PIGK: variants seen among roughly 807,000 people sequenced by gnomAD.
The protein encoded by PIGK is phosphatidylinositol glycan anchor biosynthesis class K.
Under a neutral mutation model 50.6 loss-of-function variants are expected in PIGK, and 42 were observed. The ratio of observed to expected loss-of-function variants is 0.83; its 90% CI spans 0.65 to 1.07. The LOEUF (loss-of-function observed/expected upper bound fraction) is 1.07, where lower values mean the gene tolerates loss of function less well. Among genes scored for constraint, PIGK ranks in the 50% least tolerant of loss-of-function variants. PIGK has a pLI of 0.00. For missense variants in PIGK, 448 were observed against 488.7 expected (o/e 0.92, Z 0.78); for synonymous variants, 151 against 156.0 (o/e 0.97, Z 0.24).
At chr1:77,195,407 T>C in intron 3 of PIGK, 1 of 1,096,642 alleles carries the variant, frequency 9.1e-7, no homozygotes, top group East Asian at 2.5e-5. Context: ...GAGTGAGAGC[T>C]TAGGGTGCTC....
intron 3 of PIGK, among the ~76,000 whole-genome samples, chr1:77,172,899 G>A (rs1655400130): frequency 6.6e-6 from 1 of 152,138 alleles, no homozygotes; most frequent in Non-Finnish European, 1.5e-5. Flanking sequence ...ACTCCAGCCT[G>A]GGCGACAGAG....
intron 3 of PIGK, among the ~76,000 whole-genome samples, chr1:77,190,595 GAAC>G (rs760718214): frequency 1.6e-4 from 24 of 152,082 alleles, no homozygotes; most frequent in Non-Finnish European, 3.1e-4. Context: ...AATTCTCAAA[GAAC>G]AGCACTAGAG....
intron 1 of PIGK, among the ~76,000 whole-genome samples, chr1:77,211,439 T>C (rs1656418816): frequency 6.6e-6 from 1 of 152,042 alleles, no homozygotes; most frequent in Admixed American, 6.6e-5. Flanking sequence ...GGTTGTACTC[T>C]GATAATTCCT....
At chr1:77,219,260 A>T in intron 1 of PIGK, 50 bp downstream of exon 1, 2 of 1,443,578 alleles carry the variant, frequency 1.4e-6, no homozygotes, top group Non-Finnish European at 1.9e-6. Context: ...CATCTGCTGG[A>T]GGGCTCACAG....
At chr1:77,206,604 T>C (rs1387241057) in intron 3 of PIGK, 36 bp downstream of exon 3, 2 of 1,089,866 alleles carry the variant, frequency 1.8e-6, no homozygotes, top group Non-Finnish European at 2.8e-6. Context: ...TTATTTTCAC[T>C]GAAGTTCAAG....
intron 10 of PIGK, among the ~76,000 whole-genome samples, chr1:77,120,956 T>C (rs1654082624): frequency 1.3e-5 from 2 of 152,196 alleles, no homozygotes; most frequent in Admixed American, 1.3e-4. Flanking sequence ...AATGCAGCTG[T>C]TACATAAACC....
chr1:77,207,763 T>C (rs1656321432), intron 2 of PIGK, among the ~76,000 whole-genome samples: 1 of 152,174 alleles, frequency 6.6e-6, no homozygotes, highest in South Asian at 2.1e-4. Flanking sequence ...GTGCCTTTAG[T>C]AGGTATAATG....
rs1570172499 is a variant in PIGK at position 77,090,866 on chromosome 1, C to T, written c.*1508G>A. 1 of 152,126 alleles carries T rather than the reference C, an allele frequency of 6.6e-6. No individual in the cohort carries two copies. The highest frequency in any genetic ancestry group is 2.4e-5 in the African/African-American group (1 of 41,426). 9.4% of individuals were successfully genotyped at this position (152,126 alleles called of 1,614,324 possible). A position where few individuals can be genotyped will look rare whatever the true frequency, so the allele number is the denominator to read the frequency against. On this transcript the variant is annotated 3_prime_UTR_variant, in exon 11 of 11. Coordinates refer to ENST00000370812, the MANE Select transcript of PIGK (RefSeq NM_005482.3). The stretch of plus-strand genomic sequence containing the variant: ...AAAAAGATCAATTAAAATAAAGATT[C>T]AGAGCTGGCAAAAAGCCTCAATATC...
At chr1:77,110,013 G>C (rs1319115073) in intron 10 of PIGK, among the ~76,000 whole-genome samples, 1 of 152,082 alleles carries the variant, frequency 6.6e-6, no homozygotes, top group Non-Finnish European at 1.5e-5. Context: ...ATTCACAATT[G>C]CTTCAAAGAG....
intron 10 of PIGK, among the ~76,000 whole-genome samples, chr1:77,093,880 A>G (rs1189296728): frequency 6.6e-6 from 1 of 152,128 alleles, no homozygotes; most frequent in African/African-American, 2.4e-5. Flanking sequence ...ACCATTTCTA[A>G]TGGCAAAGCT....
At chr1:77,141,974 T>C (rs996016132) in intron 9 of PIGK, among the ~76,000 whole-genome samples, 1 of 152,066 alleles carries the variant, frequency 6.6e-6, no homozygotes, top group African/African-American at 2.4e-5. Context: ...CAGGTCCATT[T>C]TTCCCCCACA....
At chr1:77,217,875 G>T (rs1006464306) in intron 1 of PIGK, among the ~76,000 whole-genome samples, 4 of 152,138 alleles carry the variant, frequency 2.6e-5, no homozygotes, top group African/African-American at 9.7e-5. Context: ...ATATTGTAAT[G>T]TGAAAAAGCA....
At chr1:77,115,514 A>C (rs1442997344) in intron 10 of PIGK, among the ~76,000 whole-genome samples, 1 of 152,064 alleles carries the variant, frequency 6.6e-6, no homozygotes, top group African/African-American at 2.4e-5. Context: ...AGGGATGCCA[A>C]ACATCCTGCG....
intron 5 of PIGK, among the ~76,000 whole-genome samples, chr1:77,165,051 G>T (rs1385852604): frequency 6.6e-6 from 1 of 152,090 alleles, no homozygotes; most frequent in Non-Finnish European, 1.5e-5. Context: ...AGCAGTCACA[G>T]AAACTGTGTA....
chr1:77,161,655 C>T lies in PIGK; in HGVS notation c.641G>A (p.Arg214Gln), dbSNP rs140360373. The change falls in exon 7 of 11, where the codon CGA becomes CAA. Residue 214 changes from arginine to glutamine, a missense_variant. By Grantham distance (43) the Arg-to-Gln change is conservative. Transcript: ENST00000370812. ...AGCCATTATGTTAGGAGAATAAAAT[C>T]GTTCATACATGGATGCTCCTTGGCA... ...DTCQGASMYE[R>Q]FYSPNIMALA... 14 of 1,592,412 alleles carry T rather than the reference C, an allele frequency of 8.8e-6. No homozygotes were observed. Among genetic ancestry groups the T allele is most frequent in the Admixed American group, 3.3e-5 (2 of 59,964 alleles).
intron 10 of PIGK, among the ~76,000 whole-genome samples, chr1:77,104,814 A>G (rs967449632): frequency 3.9e-5 from 6 of 152,312 alleles, no homozygotes; most frequent in African/African-American, 1.4e-4. Context: ...AGCTCCATGC[A>G]AGGCCAACAG....
At chr1:77,119,825 G>T (rs1485260898) in intron 10 of PIGK, among the ~76,000 whole-genome samples, 2 of 152,046 alleles carry the variant, frequency 1.3e-5, no homozygotes, top group African/African-American at 4.8e-5. Flanking sequence ...TGCCTGGGTA[G>T]TAGGGAAAAG....
intron 9 of PIGK, among the ~76,000 whole-genome samples, chr1:77,138,629 G>T (rs1196163117): frequency 6.6e-6 from 1 of 152,198 alleles, no homozygotes; most frequent in East Asian, 1.9e-4. Flanking sequence ...CATGGGTGTT[G>T]TCTTGCACTG....
rs1045458875 is a variant in PIGK at position 77,091,656 on chromosome 1, A to G, written c.*718T>C. 1 of 152,196 alleles carries G rather than the reference A, an allele frequency of 6.6e-6. No individual in the cohort carries two copies. Among genetic ancestry groups the G allele is most frequent in the African/African-American group, 2.4e-5 (1 of 41,456 alleles). 9.4% of individuals were successfully genotyped at this position (152,196 alleles called of 1,614,324 possible). A position where few individuals can be genotyped will look rare whatever the true frequency, so the allele number is the denominator to read the frequency against. ...TCCCAAATAAACTGACAACAAACAT[A>G]TAAGGTCCTGGAGATTGTCAGTGCC... On this transcript the variant is annotated 3_prime_UTR_variant, in exon 11 of 11. Transcript: ENST00000370812.
Sources: allele counts gnomAD v4.1 joint callset (sites outside exome capture counted in the v4.1 genomes callset), GRCh38; gene constraint gnomAD v4.1.1; transcripts MANE v1.5; gene names NCBI Gene and HGNC (gene_info 2026-07-23, HGNC 2026-07-21).